DCLK1: variants seen among roughly 807,000 people sequenced by gnomAD.
DCLK1 encodes doublecortin like kinase 1.
A neutral mutation model predicts 86.2 loss-of-function variants in DCLK1; 16 were observed. The ratio of observed to expected loss-of-function variants is 0.19; its 90% CI spans 0.13 to 0.28. The LOEUF is 0.28. Ranked by LOEUF, DCLK1 falls within the 10% of genes least tolerant of loss-of-function variation. The pLI, the probability that DCLK1 is intolerant of heterozygous loss-of-function variation, is 1.00. For missense variants in DCLK1, 590 were observed against 940.2 expected, an observed-to-expected ratio of 0.63 and a Z score of 4.87; for synonymous variants, 369 against 370.5, an observed-to-expected ratio of 1.00 and a Z score of 0.05.
chr13:35,914,091 G>A (rs1875218591), intron 4 of DCLK1, among the ~76,000 whole-genome samples: 1 of 151,914 alleles, frequency 6.6e-6, no homozygotes, highest in Admixed American at 6.6e-5. Flanking sequence ...GCCGAAACAG[G>A]AGGATCTCTT....
At chr13:35,948,209 G>C (rs181666032) in intron 3 of DCLK1, among the ~76,000 whole-genome samples, 1 of 152,302 alleles carries the variant, frequency 6.6e-6, no homozygotes, top group Admixed American at 6.5e-5. Context: ...CAAGCATCTT[G>C]CTCTCTGTCT....
At chr13:36,106,432 T>C (rs1885398350) in intron 3 of DCLK1, among the ~76,000 whole-genome samples, 1 of 152,238 alleles carries the variant, frequency 6.6e-6, no homozygotes, top group Non-Finnish European at 1.5e-5. Context: ...ATCATGAGGA[T>C]GGTTTAACAT....
intron 11 of DCLK1, among the ~76,000 whole-genome samples, chr13:35,812,100 A>G (rs2087158413): frequency 1.3e-5 from 2 of 152,164 alleles, no homozygotes; most frequent in African/African-American, 4.8e-5. Context: ...ACAAATCAAG[A>G]AAAGGATGCA....
intron 6 of DCLK1, among the ~76,000 whole-genome samples, chr13:35,844,011 A>G (rs928364261): frequency 2.6e-5 from 4 of 152,176 alleles, no homozygotes; most frequent in Non-Finnish European, 1.5e-5. Flanking sequence ...CCAGACATTT[A>G]TTTATTTCCC....
chr13:35,783,818 T>G (rs2086572690), intron 16 of DCLK1, among the ~76,000 whole-genome samples: 1 of 152,124 alleles, frequency 6.6e-6, no homozygotes. Flanking sequence ...ACTCCTGACC[T>G]TAGGTGATCC....
chr13:36,056,609 AGT>A, intron 3 of DCLK1, among the ~76,000 whole-genome samples: 1 of 127,386 alleles, frequency 7.9e-6, no homozygotes. Flanking sequence ...TAAAACTTAA[AGT>A]ATAATTTAAA....
intron 15 of DCLK1, among the ~76,000 whole-genome samples, chr13:35,800,197 C>CA (rs2153100845): frequency 6.6e-6 from 1 of 152,368 alleles, no homozygotes; most frequent in Non-Finnish European, 1.5e-5. Context: ...TCATCTGGCT[C>CA]AGACTCAAAT....
At chr13:36,110,350 A>G (rs1354335223) in intron 3 of DCLK1, among the ~76,000 whole-genome samples, 1 of 152,168 alleles carries the variant, frequency 6.6e-6, no homozygotes, top group African/African-American at 2.4e-5. Context: ...ACTAAGTCTC[A>G]TTCATTAGAG....
chr13:35,962,430 A>C (rs1303558882), intron 3 of DCLK1, among the ~76,000 whole-genome samples: 3 of 152,140 alleles, frequency 2.0e-5, no homozygotes, highest in Admixed American at 2.0e-4. Flanking sequence ...CAAACACCAG[A>C]AGCTAGGGGA....
rs934402210 is a variant in DCLK1 at position 35,774,358 on chromosome 13, G to A, written c.*177C>T. On this transcript the variant is annotated 3_prime_UTR_variant, in exon 17 of 17. Coordinates refer to ENST00000360631, the MANE Select transcript of DCLK1 (RefSeq NM_001330071.2). The stretch of plus-strand genomic sequence containing the variant: ...AAATTACCATCTTCACAATCACCAC[G>A]TGTCATCTTATTCAGTAAAGGGAAA... 2 of 798,656 alleles carry A rather than the reference G, an allele frequency of 2.5e-6. No individual in the cohort carries two copies. Among genetic ancestry groups the A allele is most frequent in the Admixed American group, 3.0e-5 (1 of 33,820 alleles). 49.5% of individuals were successfully genotyped at this position (798,656 alleles called of 1,614,324 possible).
At chr13:36,109,116 A>G (rs532118450) in intron 3 of DCLK1, among the ~76,000 whole-genome samples, 1 of 152,332 alleles carries the variant, frequency 6.6e-6, no homozygotes, top group African/African-American at 2.4e-5. Flanking sequence ...TGGGAACCCA[A>G]CGAATAAGTC....
At chr13:35,823,275 T>G (rs573275455) in intron 10 of DCLK1, among the ~76,000 whole-genome samples, 19 of 152,028 alleles carry the variant, frequency 1.2e-4, no homozygotes, top group African/African-American at 4.3e-4. Flanking sequence ...TTGTAATCCT[T>G]CACCTCCTCC....
Position 35,773,435 on chromosome 13 carries a change from T to G in DCLK1, c.*1100A>C, listed in dbSNP as rs2153096662. 6.6e-6 allele frequency: 1 copy of G among 152,206 alleles called. No individual in the cohort carries two copies. Among genetic ancestry groups the G allele is most frequent in the Non-Finnish European group, 1.5e-5 (1 of 67,990 alleles). 9.4% of individuals were successfully genotyped at this position (152,206 alleles called of 1,614,324 possible). On this transcript the variant is annotated 3_prime_UTR_variant, in exon 17 of 17. Transcript: ENST00000360631. Reference sequence around the variant, plus strand: ...TGCCAGTGGTTTATTCACTGAAAACTTATTGTTAGAACATTCTGGATTGTG... The same window carrying G: ...TGCCAGTGGTTTATTCACTGAAAACGTATTGTTAGAACATTCTGGATTGTG...
chr13:35,790,461 A>G (rs962198588), intron 16 of DCLK1, among the ~76,000 whole-genome samples: 1 of 152,178 alleles, frequency 6.6e-6, no homozygotes, highest in Non-Finnish European at 1.5e-5. Context: ...AACTAACACT[A>G]TGTCCTAAAT....
chr13:35,945,145 C>G (rs1279028692), intron 4 of DCLK1, among the ~76,000 whole-genome samples: 1 of 152,156 alleles, frequency 6.6e-6, no homozygotes, highest in Non-Finnish European at 1.5e-5. Flanking sequence ...GGTGATCTGC[C>G]CGCCTTGGCC....
chr13:35,922,816 C>G (rs570923992), intron 4 of DCLK1, among the ~76,000 whole-genome samples: 16 of 152,232 alleles, frequency 1.1e-4, no homozygotes, highest in Non-Finnish European at 2.4e-4. Flanking sequence ...GGACACTTTC[C>G]CAAAGTCACA....
At chr13:35,806,359 C>T (rs187021010) in intron 14 of DCLK1, among the ~76,000 whole-genome samples, 298 of 152,130 alleles carry the variant, frequency 2.0e-3, no homozygotes, top group Middle Eastern at 3.4e-3. Flanking sequence ...GAAAAATTTC[C>T]AGACAAATCA....
At chr13:35,830,959 G>A (rs1459208817) in intron 8 of DCLK1, among the ~76,000 whole-genome samples, 2 of 152,138 alleles carry the variant, frequency 1.3e-5, no homozygotes, top group Admixed American at 6.5e-5. Context: ...GTAGAGCACA[G>A]GAGGGCTGAA....
intron 3 of DCLK1, among the ~76,000 whole-genome samples, chr13:36,005,253 T>C (rs1880899273): frequency 6.6e-6 from 1 of 152,172 alleles, no homozygotes; most frequent in Non-Finnish European, 1.5e-5. Context: ...TAAGAGTGAG[T>C]ATTTGGAAAG....
Sources: allele counts gnomAD v4.1 joint callset (sites outside exome capture counted in the v4.1 genomes callset), GRCh38; gene constraint gnomAD v4.1.1; transcripts MANE v1.5; gene names NCBI Gene and HGNC (gene_info 2026-07-23, HGNC 2026-07-21).